AGTPBP1: variants seen among roughly 807,000 people sequenced by gnomAD.
AGTPBP1 encodes the protein cytosolic carboxypeptidase 1.
AGTPBP1 carries 70 observed loss-of-function variants against 143.9 expected under a neutral mutation model. The observed-to-expected ratio is 0.49, with a 90% CI of 0.40 to 0.59. The LOEUF (loss-of-function observed/expected upper bound fraction) is 0.59, where lower values mean the gene tolerates loss of function less well. Among genes scored for constraint, AGTPBP1 ranks in the 20% least tolerant of loss-of-function variants. AGTPBP1 has a pLI of 0.00. For synonymous variants in AGTPBP1, 463 were observed against 500.2 expected, an observed-to-expected ratio of 0.93 and a Z score of 0.99; for missense variants, 1,229 against 1,464.5, an observed-to-expected ratio of 0.84 and a Z score of 2.62.
chr9:85,598,024 A>G (rs1829409928), intron 17 of AGTPBP1, among the ~76,000 whole-genome samples: 1 of 152,272 alleles, frequency 6.6e-6, no homozygotes, highest in Admixed American at 6.5e-5. Context: ...TAAAAGCACC[A>G]TCTATTTTTT....
At chr9:85,696,742 A>C (rs930635348) in intron 2 of AGTPBP1, among the ~76,000 whole-genome samples, 1 of 152,190 alleles carries the variant, frequency 6.6e-6, no homozygotes. Context: ...CAAATGACCA[A>C]TGCATGGTGT....
At chr9:85,803,317 G>A in the AGTPBP1 span, among the ~76,000 whole-genome samples, 1 of 152,142 alleles carries the variant, frequency 6.6e-6, no homozygotes, top group African/African-American at 2.4e-5. Context: ...ATATTGTTGA[G>A]CAACACTCCT....
At chr9:85,563,581 A>G (rs1358143770) in intron 25 of AGTPBP1, among the ~76,000 whole-genome samples, 1 of 152,212 alleles carries the variant, frequency 6.6e-6, no homozygotes, top group Non-Finnish European at 1.5e-5. Flanking sequence ...CGAGAGAGGA[A>G]GCAGAACTTA....
At chr9:85,634,463 AGATGAATGCCAC>A (rs1311454334) in intron 13 of AGTPBP1, among the ~76,000 whole-genome samples, 2 of 152,142 alleles carry the variant, frequency 1.3e-5, no homozygotes, top group East Asian at 1.9e-4. Flanking sequence ...AGAATGGACA[AGATGAATGCCAC>A]GATGAATGCC....
chr9:85,686,253 A>T (rs1215215237), intron 3 of AGTPBP1, among the ~76,000 whole-genome samples: 1 of 152,118 alleles, frequency 6.6e-6, no homozygotes, highest in Non-Finnish European at 1.5e-5. Flanking sequence ...CTGGGAGTAA[A>T]AGAATAGAAA....
chr9:85,642,485 C>T (rs1356134929), intron 13 of AGTPBP1, among the ~76,000 whole-genome samples: 5 of 152,008 alleles, frequency 3.3e-5, no homozygotes, highest in Admixed American at 3.3e-4. Context: ...CGTGCCACCA[C>T]ACCCAGCTAA....
At chr9:85,723,618 GA>G (rs1291911864) in intron 1 of AGTPBP1, among the ~76,000 whole-genome samples, 3 of 152,232 alleles carry the variant, frequency 2.0e-5, no homozygotes, top group African/African-American at 7.2e-5. Context: ...CCTTGGCTAA[GA>G]AAGGGAAATC....
intron 24 of AGTPBP1, among the ~76,000 whole-genome samples, chr9:85,576,469 TG>T (rs1161366470): frequency 4.6e-5 from 7 of 152,232 alleles, no homozygotes; most frequent in Non-Finnish European, 8.8e-5. Flanking sequence ...TTAAATAGTT[TG>T]GCCAACTCCC....
chr9:85,608,359 A>C (rs1365911892), intron 17 of AGTPBP1, among the ~76,000 whole-genome samples: 1 of 152,138 alleles, frequency 6.6e-6, no homozygotes, highest in Non-Finnish European at 1.5e-5. Flanking sequence ...GGGACATACT[A>C]TTGATATAGT....
upstream of AGTPBP1, among the ~76,000 whole-genome samples, chr9:85,745,001 T>A (rs932827794): frequency 1.1e-4 from 17 of 152,250 alleles, no homozygotes; most frequent in Non-Finnish European, 2.1e-4. Context: ...CTGATATAGA[T>A]CAGAGTTGGA....
the AGTPBP1 span, among the ~76,000 whole-genome samples, chr9:85,758,317 T>C: frequency 6.6e-6 from 1 of 152,086 alleles, no homozygotes; most frequent in Non-Finnish European, 1.5e-5. Flanking sequence ...CTACAAGTTA[T>C]GAAAAACATG....
intron 25 of AGTPBP1, among the ~76,000 whole-genome samples, chr9:85,569,390 T>C (rs1564017446): frequency 6.6e-6 from 1 of 151,988 alleles, no homozygotes; most frequent in Non-Finnish European, 1.5e-5. Context: ...GAATATACTA[T>C]ATTATATTAC....
chr9:85,777,650 T>G, the AGTPBP1 span, among the ~76,000 whole-genome samples: 1 of 152,362 alleles, frequency 6.6e-6, no homozygotes, highest in Admixed American at 6.5e-5. Flanking sequence ...AGCACTCACT[T>G]GGGATACAAA....
At chr9:85,702,771 G>C (rs1264421458) in intron 2 of AGTPBP1, among the ~76,000 whole-genome samples, 1 of 151,808 alleles carries the variant, frequency 6.6e-6, no homozygotes, top group East Asian at 1.9e-4. Context: ...GAAGACCAGG[G>C]TAGCATTTCA....
At chr9:85,573,349 G>A (rs1477145217) in intron 25 of AGTPBP1, among the ~76,000 whole-genome samples, 5 of 152,316 alleles carry the variant, frequency 3.3e-5, no homozygotes, top group South Asian at 2.1e-4. Context: ...CGAGTGATCC[G>A]CCAGCCTTGG....
chr9:85,599,106 A>G (rs1473021603), intron 17 of AGTPBP1, among the ~76,000 whole-genome samples: 1 of 108,878 alleles, frequency 9.2e-6, no homozygotes. Flanking sequence ...CAACCTTGTC[A>G]CTGAACACAC....
intron 17 of AGTPBP1, among the ~76,000 whole-genome samples, chr9:85,618,232 CAA>C (rs35683850): frequency 5.6e-5 from 6 of 107,486 alleles, no homozygotes; most frequent in Admixed American, 1.0e-4. Context: ...AACTCCATCT[CAA>C]AAAAAAAAAA....
At position 85,575,407 on chromosome 9, in the gene AGTPBP1, C is replaced by T. The variant is rs1827836258; in HGVS notation, c.3411G>A (p.Leu1137=). Residue 1137 remains leucine (L), a synonymous_variant, in exon 25 of 26, where the codon TTG becomes TTA. Transcript: ENST00000357081. ...GAKFCVGLLR[L]KRLTSPLEYN... is the part of the protein sequence containing the mutation. ...ACTCCAATGGAGAGGTCAGTCTTTT[C>T]AAACGTAAAAGACCAACACAAAATT... 2 of 1,611,146 alleles carry T rather than the reference C, an allele frequency of 1.2e-6. No individual in the cohort carries two copies. The highest frequency in any genetic ancestry group is 1.7e-4 in the Middle Eastern group (1 of 6,046).
intron 1 of AGTPBP1, among the ~76,000 whole-genome samples, chr9:85,719,149 C>T (rs146722828): frequency 5.9e-5 from 9 of 151,692 alleles, no homozygotes; most frequent in Admixed American, 3.3e-4. Context: ...CTTGGCTATG[C>T]GGGCTTTTTG....
Sources: allele counts gnomAD v4.1 joint callset (sites outside exome capture counted in the v4.1 genomes callset), GRCh38; gene constraint gnomAD v4.1.1; transcripts MANE v1.5; gene names NCBI Gene and HGNC (gene_info 2026-07-23, HGNC 2026-07-21).